The following DNAAF4 variants were observed in gnomAD, a reference collection of about 807,000 sequenced individuals.
The protein encoded by DNAAF4 is dynein axonemal assembly factor 4.
A neutral mutation model predicts 51.8 loss-of-function variants in DNAAF4; 43 were observed. That is an observed-to-expected ratio of 0.83 (90% CI 0.65 to 1.07). The LOEUF (loss-of-function observed/expected upper bound fraction) is 1.07. Ranked by LOEUF, DNAAF4 falls within the 50% of genes least tolerant of loss-of-function variation. The pLI is 0.00. For synonymous variants in DNAAF4, 194 were observed against 165.6 expected (o/e 1.17, Z -1.32); for missense variants, 581 against 493.0 (o/e 1.18, Z -1.69).
chr15:55,504,287 G>A (rs1259564779), intron 1 of DNAAF4, among the ~76,000 whole-genome samples: 3 of 152,162 alleles, frequency 2.0e-5, no homozygotes, highest in African/African-American at 7.2e-5. Context: ...CAAACAAATG[G>A]AAGACCATTC....
In DNAAF4 at chr15:55,423,445, C is replaced by G. The variant is rs543874252; in HGVS notation, c.1048-5312G>C. On this transcript the variant is annotated intron_variant, in intron 7 of 7. Coordinates refer to the DNAAF4 transcript ENST00000448430. ...TAGGTTAGTCTTGGACTCCTGGGCT[C>G]AAGTTATCCTCCCACCTCCTCCCAA... 5.1e-4 allele frequency among the ~76,000 whole-genome samples: 77 copies of G among 152,148 alleles called. 1 individual carries two copies. The highest frequency in any genetic ancestry group is 1.8e-3 in the African/African-American group (75 of 41,522).
chr15:55,463,423 A>T (rs2058123626), intron 5 of DNAAF4, among the ~76,000 whole-genome samples: 1 of 152,172 alleles, frequency 6.6e-6, no homozygotes, highest in Non-Finnish European at 1.5e-5. Flanking sequence ...AGAGTACTGG[A>T]AGTCCTAGCC....
chr15:55,497,936 G>A (rs1205551617), intron 2 of DNAAF4, 77 bp from the exon 3 acceptor site: 1 of 1,528,454 alleles, frequency 6.5e-7, no homozygotes, highest in Admixed American at 2.2e-5. Flanking sequence ...CGTGAAAAAG[G>A]TAAAATAACT....
At chr15:55,462,564 G>A (rs1414707104) in intron 5 of DNAAF4, among the ~76,000 whole-genome samples, 3 of 149,174 alleles carry the variant, frequency 2.0e-5, no homozygotes, top group African/African-American at 2.5e-5. Flanking sequence ...AGATAAGGAG[G>A]AAATCCTCCC....
At chr15:55,499,087 G>A (rs937657239) in intron 1 of DNAAF4, among the ~76,000 whole-genome samples, 1 of 152,184 alleles carries the variant, frequency 6.6e-6, no homozygotes, top group Non-Finnish European at 1.5e-5. Flanking sequence ...TTCTGACTGA[G>A]GCTATTAAGA....
chr15:55,442,913 G>C, intron 6 of DNAAF4: 1 of 1,612,068 alleles, frequency 6.2e-7, no homozygotes, highest in Non-Finnish European at 8.5e-7. Context: ...ATCAATCCAG[G>C]TGGTCCTTCT....
chr15:55,469,424 T>C (rs947837265), intron 4 of DNAAF4, among the ~76,000 whole-genome samples: 1 of 148,848 alleles, frequency 6.7e-6, no homozygotes, highest in Non-Finnish European at 1.5e-5. Flanking sequence ...CAACACTCCA[T>C]AGGTCACTTC....
At chr15:55,495,318 T>A (rs1326602893) in intron 3 of DNAAF4, 4 of 152,030 alleles carry the variant, frequency 2.6e-5, no homozygotes. Flanking sequence ...TCTACCTTGG[T>A]CTTGGAAATT....
chr15:55,429,593 G>A (rs1273133697), downstream of DNAAF4, among the ~76,000 whole-genome samples: 1 of 151,504 alleles, frequency 6.6e-6, no homozygotes, highest in Non-Finnish European at 1.5e-5. Flanking sequence ...CAAGGTGGGT[G>A]GATCACGAAA....
rs368200658 is a variant in DNAAF4 at position 55,439,601 on chromosome 15, T to G, written c.784-20A>C. 16 of 1,594,644 alleles carry G rather than the reference T, an allele frequency of 1.0e-5. No homozygotes were observed. Among genetic ancestry groups the G allele is most frequent in the African/African-American group, 1.4e-5 (1 of 73,854 alleles). ...TAGCCACTAGAATGAGAAAGAAGTC[T>G]TATGAAGAATAAAAAGGTCTTTTTT... On this transcript the variant is annotated intron_variant, in intron 6 of 9. Transcript: ENST00000321149.
At chr15:55,442,477 A>G (rs1201982285) in intron 6 of DNAAF4, among the ~76,000 whole-genome samples, 1 of 152,182 alleles carries the variant, frequency 6.6e-6, no homozygotes, top group Non-Finnish European at 1.5e-5. Flanking sequence ...GGGAAGATGG[A>G]AACTGAATCC....
intron 1 of DNAAF4, among the ~76,000 whole-genome samples, chr15:55,504,452 C>T (rs993476196): frequency 9.9e-5 from 15 of 152,162 alleles, no homozygotes; most frequent in Admixed American, 7.2e-4. Context: ...AAAAAAGAAC[C>T]CGCATAGCCA....
intron 5 of DNAAF4, among the ~76,000 whole-genome samples, chr15:55,463,043 G>A (rs1356310816): frequency 6.6e-6 from 1 of 152,074 alleles, no homozygotes; most frequent in Non-Finnish European, 1.5e-5. Context: ...GTGTGGTGGT[G>A]CACACCTGTA....
chr15:55,443,160 C>G (rs1256628344), intron 6 of DNAAF4: 5 of 1,610,554 alleles, frequency 3.1e-6, no homozygotes, highest in Admixed American at 1.7e-5. Context: ...CACATTTCTT[C>G]ATAAACTGGT....
rs148567340 is a variant in DNAAF4 at position 55,500,656 on chromosome 15, A to T, written c.-255-2072T>A. Among the ~76,000 whole-genome samples the T allele has an allele frequency of 3.0e-4, 45 of 152,238 alleles. No individual in the cohort carries two copies. In the East Asian group the frequency reaches 7.5e-3, roughly 25 times the overall value. ...TGAAATTATTCTCCTGACTACCATG[A>T]TCCTACTAAACTTTTAGACTCTGAA... is the stretch of plus-strand genomic sequence containing the variant. On this transcript the variant is annotated intron_variant, in intron 1 of 9. Transcript: ENST00000321149.
At chr15:55,494,031 G>GTT (rs58176526) in intron 3 of DNAAF4, among the ~76,000 whole-genome samples, 27 of 138,152 alleles carry the variant, frequency 2.0e-4, no homozygotes, top group Middle Eastern at 3.8e-3. Context: ...TTTCTTTCTT[G>GTT]TTTTTTTTTT....
intron 1 of DNAAF4, among the ~76,000 whole-genome samples, chr15:55,501,321 C>G (rs1445914947): frequency 6.6e-6 from 1 of 150,422 alleles, no homozygotes; most frequent in South Asian, 2.1e-4. Flanking sequence ...CTCGGCCTCC[C>G]AAAGTGCTGG....
chr15:55,477,448 T>A (rs2141544424), intron 4 of DNAAF4, among the ~76,000 whole-genome samples: 1 of 151,626 alleles, frequency 6.6e-6, no homozygotes, highest in Admixed American at 6.6e-5. Context: ...TATATGCATA[T>A]ACACATACCT....
At chr15:55,427,875 T>TCCA, downstream of DNAAF4, among the ~76,000 whole-genome samples, 1 of 151,182 alleles carries the variant, frequency 6.6e-6, no homozygotes, top group South Asian at 2.1e-4. Flanking sequence ...CCTCAGGTGA[T>TCCA]CCACCCGCCT....
Sources: allele counts gnomAD v4.1 joint callset (sites outside exome capture counted in the v4.1 genomes callset), GRCh38; gene constraint gnomAD v4.1.1; transcripts MANE v1.5; gene names NCBI Gene and HGNC (gene_info 2026-07-23, HGNC 2026-07-21).